Variants in GPRC6A observed in about 807,000 individuals in gnomAD.
GPRC6A encodes G protein-coupled receptor class C group 6 member A.
GPRC6A carries 54 observed loss-of-function variants against 47.0 expected under a neutral mutation model. The observed-to-expected ratio is 1.15, with a 90% CI of 0.92 to 1.44. The LOEUF is 1.44. GPRC6A is among the 40% of genes most tolerant of loss of function. GPRC6A has a pLI of 0.00. For missense variants in GPRC6A, 1,112 were observed against 1,105.5 expected, an observed-to-expected ratio of 1.01 and a Z score of -0.08; for synonymous variants, 347 against 377.1, an observed-to-expected ratio of 0.92 and a Z score of 0.93.
At chr6:116,820,302 C>G (rs1231001014) in intron 1 of GPRC6A, among the ~76,000 whole-genome samples, 1 of 152,184 alleles carries the variant, frequency 6.6e-6, no homozygotes, top group African/African-American at 2.4e-5. Context: ...GGTACCATTC[C>G]TTCTGAAACT....
chr6:116,802,006 A>G (rs924324811), intron 3 of GPRC6A, among the ~76,000 whole-genome samples: 1 of 152,182 alleles, frequency 6.6e-6, no homozygotes, highest in African/African-American at 2.4e-5. Context: ...TTCCTTAAGC[A>G]ATATACACAT....
At chr6:116,817,722 T>G (rs1294090419) in intron 1 of GPRC6A, among the ~76,000 whole-genome samples, 4 of 151,990 alleles carry the variant, frequency 2.6e-5, no homozygotes, top group African/African-American at 9.7e-5. Flanking sequence ...GCTCGAGAAC[T>G]ACGTGAAGAA....
intron 1 of GPRC6A, among the ~76,000 whole-genome samples, chr6:116,818,115 T>G (rs1582474176): frequency 6.6e-6 from 1 of 152,140 alleles, no homozygotes; most frequent in Admixed American, 6.5e-5. Flanking sequence ...GAGAAAATGT[T>G]AAGGGCAGCC....
chr6:116,812,093 A>G (rs117993341), intron 1 of GPRC6A, among the ~76,000 whole-genome samples: 300 of 152,324 alleles, frequency 2.0e-3, no homozygotes, highest in South Asian at 6.6e-3. Context: ...TCTAAAGTCA[A>G]TGACAAAGAG....
intron 1 of GPRC6A, among the ~76,000 whole-genome samples, chr6:116,818,695 C>A (rs1386996730): frequency 2.6e-5 from 4 of 151,254 alleles, no homozygotes; most frequent in Admixed American, 6.6e-5. Flanking sequence ...CCTAAAAGAG[C>A]TCCTGAAGGA....
intron 1 of GPRC6A, among the ~76,000 whole-genome samples, chr6:116,811,678 CAG>C (rs913449588): frequency 3.3e-5 from 5 of 151,898 alleles, no homozygotes; most frequent in Non-Finnish European, 4.4e-5. Context: ...AAGAATCAAA[CAG>C]AAATTCTGCA....
intron 1 of GPRC6A, among the ~76,000 whole-genome samples, chr6:116,816,112 T>C (rs761318787): frequency 6.6e-6 from 1 of 152,212 alleles, no homozygotes; most frequent in East Asian, 1.9e-4. Flanking sequence ...CCAAATCTCA[T>C]GTCCTTCTCA....
intron 1 of GPRC6A, among the ~76,000 whole-genome samples, chr6:116,818,716 A>G (rs1773340792): frequency 1.3e-5 from 2 of 151,704 alleles, no homozygotes; most frequent in African/African-American, 4.8e-5. Flanking sequence ...AGCGCTAAAC[A>G]TGGAAGGGAA....
At chr6:116,829,139 A>G, upstream of GPRC6A, 1 of 1,065,380 alleles carries the variant, frequency 9.4e-7, no homozygotes, top group Non-Finnish European at 1.3e-6. Context: ...AAGGCCAGAA[A>G]CACTCAGTAT....
chr6:116,818,483 G>A (rs1421057758), intron 1 of GPRC6A, among the ~76,000 whole-genome samples: 5 of 104,108 alleles, frequency 4.8e-5, no homozygotes, highest in Middle Eastern at 6.0e-3. Flanking sequence ...GCAGTGAGCC[G>A]AGATCCCGCC....
chr6:116,819,369 C>T (rs1773369837), intron 1 of GPRC6A, among the ~76,000 whole-genome samples: 1 of 151,324 alleles, frequency 6.6e-6, no homozygotes, highest in South Asian at 2.1e-4. Flanking sequence ...TAATAGACAT[C>T]TACAGAACTC....
At chr6:116,827,714 T>G (rs574946143) in intron 1 of GPRC6A, among the ~76,000 whole-genome samples, 1 of 152,166 alleles carries the variant, frequency 6.6e-6, no homozygotes, top group South Asian at 2.1e-4. Context: ...TGTGCCAACA[T>G]AGTGCTCTGA....
At chr6:116,810,718 C>T (rs971334001) in intron 1 of GPRC6A, among the ~76,000 whole-genome samples, 4 of 150,968 alleles carry the variant, frequency 2.6e-5, no homozygotes, top group Non-Finnish European at 4.4e-5. Context: ...CAATAATATC[C>T]CTCTTTATTA....
chr6:116,808,100 G>A (rs1006469829), intron 2 of GPRC6A, among the ~76,000 whole-genome samples: 2 of 151,782 alleles, frequency 1.3e-5, no homozygotes, highest in Non-Finnish European at 2.9e-5. Context: ...AATAAATTTG[G>A]GAACGTTATT....
intron 1 of GPRC6A, among the ~76,000 whole-genome samples, chr6:116,816,808 C>G (rs565726536): frequency 6.6e-5 from 10 of 152,198 alleles, no homozygotes; most frequent in South Asian, 2.1e-4. Flanking sequence ...CACTCCCACC[C>G]GAATACTGCG....
intron 1 of GPRC6A, among the ~76,000 whole-genome samples, chr6:116,827,140 A>G (rs1218914477): frequency 6.6e-6 from 1 of 151,970 alleles, no homozygotes; most frequent in Non-Finnish European, 1.5e-5. Context: ...ATCGTTTGAC[A>G]GCACAGTTAC....
chr6:116,811,289 T>C (rs1414638580), intron 1 of GPRC6A, among the ~76,000 whole-genome samples: 1 of 152,118 alleles, frequency 6.6e-6, no homozygotes, highest in Non-Finnish European at 1.5e-5. Flanking sequence ...CTATTCATCC[T>C]TAGGAAACAT....
intron 1 of GPRC6A, among the ~76,000 whole-genome samples, chr6:116,817,899 G>A (rs1010806374): frequency 8.6e-5 from 13 of 151,760 alleles, no homozygotes; most frequent in African/African-American, 1.2e-4. Flanking sequence ...CCAAATCTAC[G>A]TCTGATTGGT....
At chr6:116,827,415 C>T (rs1248081602) in intron 1 of GPRC6A, among the ~76,000 whole-genome samples, 4 of 152,008 alleles carry the variant, frequency 2.6e-5, no homozygotes, top group East Asian at 1.9e-4. Context: ...ATAATATTTT[C>T]GGAGTCCAGC....
Sources: allele counts gnomAD v4.1 joint callset (sites outside exome capture counted in the v4.1 genomes callset), GRCh38; gene constraint gnomAD v4.1.1; transcripts MANE v1.5; gene names NCBI Gene and HGNC (gene_info 2026-07-23, HGNC 2026-07-21).